HEATR1: variants seen among roughly 807,000 people sequenced by gnomAD.
HEATR1 encodes HEAT repeat containing 1.
Under a neutral mutation model 248.2 loss-of-function variants are expected in HEATR1, and 77 were observed. The observed-to-expected ratio is 0.31, with a 90% CI of 0.26 to 0.37. The LOEUF (loss-of-function observed/expected upper bound fraction) is 0.37. Among genes scored for constraint, HEATR1 ranks in the 10% least tolerant of loss-of-function variants. The pLI is 1.00. For synonymous variants in HEATR1, 897 were observed against 923.1 expected (o/e 0.97, Z 0.51); for missense variants, 2,420 against 2,504.9 (o/e 0.97, Z 0.72).
At position 236,583,062 on chromosome 1, in the gene HEATR1, G is replaced by C. The variant is rs1365621837; in HGVS notation, c.2376C>G (p.Ser792=). The C allele has an allele frequency of 1.9e-6, 3 of 1,613,886 alleles. No individual in the cohort carries two copies. The highest frequency in any genetic ancestry group is 2.5e-6 in the Non-Finnish European group (3 of 1,179,980). Residue 792 remains serine (S), a synonymous_variant, in exon 18 of 45, where the codon TCC becomes TCG. Coordinates refer to ENST00000366582, the MANE Select transcript of HEATR1 (RefSeq NM_018072.6). ...AVEDSVFLVF[S]LKKFIYALKA... is the part of the protein sequence containing the mutation. ...TCAGTGCATAAATAAATTTTTTCAA[G>C]GAAAATACAAGAAAAACCGAGTCCT...
At chr1:236,569,996 T>C (rs1315418225) in intron 28 of HEATR1, among the ~76,000 whole-genome samples, 1 of 152,112 alleles carries the variant, frequency 6.6e-6, no homozygotes, top group East Asian at 1.9e-4. Context: ...CTCAAAAACA[T>C]TATGCTAAGC....
In HEATR1 at chr1:236,585,133, G is replaced by A. The variant is rs3738535; in HGVS notation, c.2133C>T (p.Leu711=). ...KVTFHVILSV[L]VSCCSSLKET... is the part of the protein sequence containing the mutation. Reference sequence around the variant, plus strand: ...CTTTTAAAGATGAACAACAAGAGACGAGCACAGACAGGATCACATGAAACG... The same window carrying A: ...CTTTTAAAGATGAACAACAAGAGACAAGCACAGACAGGATCACATGAAACG... The change falls in exon 17 of 45, where the codon CTC becomes CTT. Residue 711 remains leucine (L), a synonymous_variant. Transcript: ENST00000366582. The A allele has an allele frequency of 0.05, 80,746 of 1,613,698 alleles. 2,609 individuals are homozygous for A. The highest frequency in any genetic ancestry group is 0.13 in the East Asian group (6,025 of 44,844).
intron 29 of HEATR1, 95 bp downstream of exon 29, chr1:236,568,901 A>AC: frequency 1.1e-6 from 1 of 891,636 alleles, no homozygotes; most frequent in Non-Finnish European, 1.5e-6. Context: ...AAAAAAACAA[A>AC]AAAAAAAAAC....
rs763351260 is a variant in HEATR1 at position 236,585,891 on chromosome 1, C to T, written c.1978G>A (p.Ala660Thr). 1.2e-5 allele frequency: 20 copies of T among 1,613,146 alleles called. No homozygotes were observed. The highest frequency in any genetic ancestry group is 1.4e-5 in the Non-Finnish European group (17 of 1,179,320). The change falls in exon 16 of 45, where the codon GCA becomes ACA. Residue 660 changes from alanine (A) to threonine (T), a missense_variant. Coordinates refer to ENST00000366582, the MANE Select transcript of HEATR1 (RefSeq NM_018072.6). ...AACAACTCAATCATCTTCTGATTTG[C>T]TACACCGATTAGTTTTCCTGGCTTT... The part of the protein sequence containing the change: ...STKPGKLIGV[A>T]NQKMIELLAD...
In HEATR1 at chr1:236,585,228, AAC is replaced by A. The variant is rs753830247; in HGVS notation, c.2050-14_2050-13del. The stretch of plus-strand genomic sequence containing the variant: ...ATTAAATCCTCCACCTTGAAAAATA[AAC>A]ACACTCTATTACCAGTTGCTCTTGA... On this transcript the variant is annotated splice_polypyrimidine_tract_variant and intron_variant, in intron 16 of 44. Coordinates refer to ENST00000366582, the MANE Select transcript of HEATR1 (RefSeq NM_018072.6). 1.2e-6 allele frequency: 2 copies of A among 1,601,496 alleles called. No individual in the cohort carries two copies. Among genetic ancestry groups the A allele is most frequent in the South Asian group, 2.2e-5 (2 of 88,890 alleles).
At chr1:236,570,028 C>T (rs987781569) in intron 28 of HEATR1, among the ~76,000 whole-genome samples, 4 of 152,204 alleles carry the variant, frequency 2.6e-5, no homozygotes, top group Admixed American at 2.6e-4. Flanking sequence ...GTGGCTCACG[C>T]CTGTAGTTCC....
At chr1:236,563,411 AG>A (rs1663187252) in intron 32 of HEATR1, among the ~76,000 whole-genome samples, 1 of 151,952 alleles carries the variant, frequency 6.6e-6, no homozygotes, top group African/African-American at 2.4e-5. Flanking sequence ...CCTCCCGAGT[AG>A]CTGGGACTAC....
Position 236,556,191 on chromosome 1 carries a change from G to T in HEATR1, c.5423C>A (p.Ser1808Tyr). 1 of 1,614,048 alleles carries T rather than the reference G, an allele frequency of 6.2e-7. No individual in the cohort carries two copies. Among genetic ancestry groups the T allele is most frequent in the Non-Finnish European group, 8.5e-7 (1 of 1,180,018 alleles). Reference sequence around the variant, plus strand: ...TGTGGTAGCCAGTGTCTTTTTAAGAGATGTGAGACGGATATTAGCCTGTGA... The same window carrying T: ...TGTGGTAGCCAGTGTCTTTTTAAGATATGTGAGACGGATATTAGCCTGTGA... ...SASQANIRLT[S>Y]LKKTLATTLA... is the part of the protein sequence containing the mutation. The change falls in exon 38 of 45, where the codon TCT (serine) becomes TAT (tyrosine). Residue 1808 changes from serine to tyrosine, a missense_variant. Physicochemically the swap from Ser to Tyr is moderately radical, Grantham distance 144. Transcript: ENST00000366582.
Position 236,568,892 on chromosome 1 carries a change from AAAAAAC to A in HEATR1, c.4077+98_4077+103del, listed in dbSNP as rs1385758556. ...TACAACTGTTGAGGATATTAAAAAA[AAAAAAC>A]AAAAAAAAAAAACTAAAAAAAAGGC... On this transcript the variant is annotated intron_variant, in intron 29 of 44. Transcript: ENST00000366582. The A allele has an allele frequency of 3.8e-4, 224 of 592,784 alleles. 1 individual carries two copies. The highest frequency in any genetic ancestry group is 1.4e-3 in the East Asian group (27 of 18,856). The allele number at this position is 592,784 out of a possible 1,614,324, so 36.7% of individuals were successfully genotyped here.
rs1401647606 is a variant in HEATR1, at chr1:236,603,991, T to C, written c.105A>G (p.Glu35=). ...EVASLLFDPK[E]AATIDRDTAF... ...CGGTGTCCCTGTCGATTGTGGCCGCTTCCTTAGGGTCAAATAACAAAGAAG... is the reference window on the plus strand; with the variant it reads ...CGGTGTCCCTGTCGATTGTGGCCGCCTCCTTAGGGTCAAATAACAAAGAAG... Residue 35 remains glutamate, a synonymous_variant, in exon 2 of 45, where the codon GAA becomes GAG. Transcript: ENST00000366582. 1 of 1,598,892 alleles carries C rather than the reference T, an allele frequency of 6.3e-7. No individual in the cohort carries two copies. The highest frequency in any genetic ancestry group is 8.5e-7 in the Non-Finnish European group (1 of 1,175,116).
At chr1:236,577,712 T>G (rs1007991975) in intron 20 of HEATR1, among the ~76,000 whole-genome samples, 3 of 151,990 alleles carry the variant, frequency 2.0e-5, no homozygotes, top group Non-Finnish European at 4.4e-5. Context: ...GGTCTCGAAC[T>G]CCCAACCTCA....
Position 236,602,208 on chromosome 1 carries a change from T to C in HEATR1, c.359+952A>G, listed in dbSNP as rs139840130. Among the ~76,000 whole-genome samples the C allele has an allele frequency of 3.5e-4, 54 of 152,178 alleles. 2 individuals are homozygous for C. The East Asian group carries it at 6.8e-3, about 19-fold the overall frequency. The stretch of plus-strand genomic sequence containing the variant: ...TGTATGCTGTGATGTGACACCAATA[T>C]GTGAGAAAATAAACTAAGCTTACTG... On this transcript the variant is annotated intron_variant, in intron 3 of 44. Coordinates refer to ENST00000366582, the MANE Select transcript of HEATR1 (RefSeq NM_018072.6).
intron 28 of HEATR1, among the ~76,000 whole-genome samples, 173 bp from the exon 29 acceptor site, chr1:236,569,297 T>A (rs1663358939): frequency 6.6e-6 from 1 of 152,184 alleles, no homozygotes; most frequent in Non-Finnish European, 1.5e-5. Flanking sequence ...CACCTCAGCC[T>A]CCTGAGTAGC....
Position 236,595,595 on chromosome 1 carries a change from A to G in HEATR1, c.1035T>C (p.Pro345=). 1 of 1,608,576 alleles carries G rather than the reference A, an allele frequency of 6.2e-7. No individual in the cohort carries two copies. Among genetic ancestry groups the G allele is most frequent in the Non-Finnish European group, 8.5e-7 (1 of 1,174,880 alleles). The change falls in exon 8 of 45, where the codon CCT becomes CCC. Residue 345 remains proline (P), a synonymous_variant. Transcript: ENST00000366582. ...GATGGGGAAGCATGTAATGCAGAAG[A>G]GGACTGACATCGTAAGTTTCAGAAA... ...HGISETYDVS[P]LLHYMLPHLV...
Position 236,566,775 on chromosome 1 carries a change from G to A in HEATR1, c.4179C>T (p.His1393=), listed in dbSNP as rs760386596. 2.5e-6 allele frequency: 4 copies of A among 1,614,138 alleles called. No homozygotes were observed. Among genetic ancestry groups the A allele is most frequent in the Non-Finnish European group, 2.5e-6 (3 of 1,180,026 alleles). ...GTTGAACAAGGATGGGCAGGCGCCT[G>A]TGCTCCGGGACGTGTGGCAGCGCAT... is the stretch of plus-strand genomic sequence containing the variant. ...FVDALPHVPE[H]RRLPILVQLV... is the part of the protein sequence containing the mutation. The change falls in exon 30 of 45, where the codon CAC becomes CAT. Residue 1393 remains histidine, a synonymous_variant. Transcript: ENST00000366582.
Position 236,596,838 on chromosome 1 carries a change from T to G in HEATR1, c.742A>C (p.Lys248Gln). The G allele has an allele frequency of 6.2e-7, 1 of 1,610,652 alleles. No homozygotes were observed. Among genetic ancestry groups the G allele is most frequent in the Non-Finnish European group, 8.5e-7 (1 of 1,178,932 alleles). Reference sequence around the variant, plus strand: ...CTTAACACATCAGCAGTGCCAACCTTTTGGATATAGGGAAATAGTTTGGCG... The same window carrying G: ...CTTAACACATCAGCAGTGCCAACCTGTTGGATATAGGGAAATAGTTTGGCG... ...IIAKLFPYIQ[K>Q]GLKSSLPDYR... is the part of the protein sequence containing the mutation. Residue 248 changes from lysine to glutamine, a missense_variant and splice_region_variant, in exon 6 of 45, where the codon AAG becomes CAG. Lys to Gln is a moderately conservative substitution (Grantham distance 53). Transcript: ENST00000366582.
At chr1:236,568,898 C>A (rs12135604) in intron 29 of HEATR1, 98 bp downstream of exon 29, 270,712 of 522,338 alleles carry the variant, frequency 0.52, 41,687 homozygotes, top group Admixed American at 0.62. Flanking sequence ...AAAAAAAAAA[C>A]AAAAAAAAAA....
rs79418138 is a variant in HEATR1 at position 236,602,984 on chromosome 1, A to G, written c.359+176T>C. The G allele has an allele frequency of 2.5e-3, 1,462 of 590,996 alleles. 26 individuals carry two copies. The African/African-American group carries it at 0.025, about 10-fold the overall frequency. 36.6% of individuals were successfully genotyped at this position (590,996 alleles called of 1,614,324 possible). On this transcript the variant is annotated intron_variant, in intron 3 of 44. Transcript: ENST00000366582. Reference sequence around the variant, plus strand: ...ATCACCAGTAGTTCTACTTTTCACTATCAACAAAAAAGAATTTAAAGGCAG... The same window carrying G: ...ATCACCAGTAGTTCTACTTTTCACTGTCAACAAAAAAGAATTTAAAGGCAG...
rs142757913 is a variant in HEATR1 at position 236,587,908 on chromosome 1, T to C, written c.1626+40A>G. 1,220 of 1,431,296 alleles carry C rather than the reference T, an allele frequency of 8.5e-4. 13 individuals carry two copies. The African/African-American group carries it at 0.014, about 17-fold the overall frequency. 88.7% of individuals were successfully genotyped at this position (1,431,296 alleles called of 1,614,324 possible). ...ATCAAGTGAGAAGGGCAAGGAAATTTACAAAATTGTATACCTCAACAAATG... is the reference window on the plus strand; with the variant it reads ...ATCAAGTGAGAAGGGCAAGGAAATTCACAAAATTGTATACCTCAACAAATG... On this transcript the variant is annotated intron_variant, in intron 13 of 44. Transcript: ENST00000366582.
Sources: allele counts gnomAD v4.1 joint callset (sites outside exome capture counted in the v4.1 genomes callset), GRCh38; gene constraint gnomAD v4.1.1; transcripts MANE v1.5; gene names NCBI Gene and HGNC (gene_info 2026-07-23, HGNC 2026-07-21).